TUBB8B: variants seen among roughly 807,000 people sequenced by gnomAD.
The protein encoded by TUBB8B is HSA18p11 beta-tubulin 4Q pseudogene.
A neutral mutation model predicts 31.9 loss-of-function variants in TUBB8B; 26 were observed. The ratio of observed to expected loss-of-function variants is 0.81; its 90% CI spans 0.60 to 1.13. The LOEUF (loss-of-function observed/expected upper bound fraction) is 1.13. Among genes scored for constraint, TUBB8B ranks in the 50% most tolerant of loss-of-function variants. The pLI is 0.00. For missense variants in TUBB8B, 467 were observed against 586.7 expected (o/e 0.80, Z 2.11); for synonymous variants, 173 against 231.0 (o/e 0.75, Z 2.28).
the TUBB8B span, among the ~76,000 whole-genome samples, chr18:69,552 TTGTC>T: frequency 6.6e-6 from 1 of 152,180 alleles, no homozygotes; most frequent in Non-Finnish European, 1.5e-5. Flanking sequence ...AATAAAAGCT[TTGTC>T]TGGGAAACTT....
the TUBB8B span, among the ~76,000 whole-genome samples, chr18:63,450 C>A: frequency 1.3e-5 from 2 of 151,640 alleles, no homozygotes; most frequent in African/African-American, 2.4e-5. Flanking sequence ...AGCAGTCTCT[C>A]TTTCTGTGCT....
the TUBB8B span, among the ~76,000 whole-genome samples, chr18:63,830 C>A: frequency 3.4e-5 from 5 of 147,160 alleles, no homozygotes; most frequent in Admixed American, 6.7e-5. Context: ...TAACCCTAAC[C>A]CCAACCCTTA....
Position 47,411 on chromosome 18 carries a change from A to G in TUBB8B, c.1314T>C (p.Tyr438=), listed in dbSNP as rs774102370. The stretch of plus-strand genomic sequence containing the variant: ...AGTTCTAGGCCACCTCCTCCTCGGC[A>G]TACTCCTCATCCTCCTCCTCCTCGG... ...ATAEEEEDEE[Y]AEEEVA The change falls in exon 4 of 4, where the codon TAT becomes TAC. Residue 438 remains tyrosine (Y), a synonymous_variant. Coordinates refer to ENST00000308911, the MANE Select transcript of TUBB8B (RefSeq NM_001358689.2). 1.3e-5 allele frequency: 15 copies of G among 1,153,572 alleles called. No individual in the cohort carries two copies. The South Asian group carries it at 1.7e-4, about 13-fold the overall frequency. The allele number at this position is 1,153,572 out of a possible 1,614,324, so 71.5% of individuals were successfully genotyped here.
Position 49,024 on chromosome 18 carries a change from G to C in TUBB8B, c.193C>G (p.Leu65Val). 1 of 1,608,838 alleles carries C rather than the reference G, an allele frequency of 6.2e-7. No homozygotes were observed. The highest frequency in any genetic ancestry group is 8.5e-7 in the Non-Finnish European group (1 of 1,177,642). ...ATGGTGCCCGGCTCCAGATCCACGA[G>C]CACAGCGCGGGGCACGTACCTGCCA... ...SGGRYVPRAV[L>V]VDLEPGTMDS... The change falls in exon 3 of 4, where the codon CTC becomes GTC. Residue 65 changes from leucine (L) to valine (V), a missense_variant. Transcript: ENST00000308911.
At chr18:48,634 G>A (rs1458162787) in intron 3 of TUBB8B, 187 bp from the exon 4 acceptor site, 3 of 677,932 alleles carry the variant, frequency 4.4e-6, no homozygotes, top group Non-Finnish European at 8.0e-6. Flanking sequence ...AATTAAGACA[G>A]GAGTCAAACC....
rs1905718341 is a variant in TUBB8B at position 47,802 on chromosome 18, C to A, written c.923G>T (p.Gly308Val). Residue 308 changes from glycine (G) to valine (V), a missense_variant, in exon 4 of 4, where the codon GGC (glycine) becomes GTC (valine). Coordinates refer to ENST00000308911, the MANE Select transcript of TUBB8B (RefSeq NM_001358689.2). ...AATGGCAGCCACCGTTAGGTAGCAG[C>A]CGTGACGGGGGTCACAGGCAGCCAT... ...NMMAACDPRH[G>V]CYLTVAAIFR... The A allele has an allele frequency of 6.2e-7, 1 of 1,611,768 alleles. No homozygotes were observed. The highest frequency in any genetic ancestry group is 1.3e-5 in the African/African-American group (1 of 74,884).
At chr18:51,165 T>C, upstream of TUBB8B, among the ~76,000 whole-genome samples, 1 of 151,950 alleles carries the variant, frequency 6.6e-6, no homozygotes, top group East Asian at 1.9e-4. Context: ...CCTCCTGTTT[T>C]CCTGATGCAT....
At chr18:72,176 T>C in the TUBB8B span, among the ~76,000 whole-genome samples, 1 of 13,494 alleles carries the variant, frequency 7.4e-5, no homozygotes, top group Admixed American at 1.1e-3. Flanking sequence ...AGACTCCATC[T>C]CAAAAAAAAA....
intron 1 of TUBB8B, 105 bp from the exon 2 acceptor site, chr18:49,342 C>T: frequency 1.0e-6 from 1 of 969,014 alleles, no homozygotes; most frequent in South Asian, 1.5e-5. Flanking sequence ...CGCCCTGTCC[C>T]TGGGGTCCAC....
upstream of TUBB8B, among the ~76,000 whole-genome samples, chr18:51,059 G>A (rs1906081713): frequency 1.3e-5 from 2 of 151,842 alleles, no homozygotes; most frequent in Non-Finnish European, 2.9e-5. Flanking sequence ...AACTGCAGGG[G>A]CCTAGTAAGT....
the TUBB8B span, among the ~76,000 whole-genome samples, chr18:69,150 TCA>T: frequency 1.3e-3 from 193 of 152,300 alleles, no homozygotes; most frequent in African/African-American, 4.4e-3. Context: ...AAACAAAATC[TCA>T]GTGTTGAACA....
chr18:52,883 A>G, upstream of TUBB8B, among the ~76,000 whole-genome samples: 1 of 149,830 alleles, frequency 6.7e-6, no homozygotes, highest in South Asian at 2.1e-4. Context: ...AACTATAAAG[A>G]GAAAGAGTTA....
At chr18:51,336 A>G (rs890016581), upstream of TUBB8B, among the ~76,000 whole-genome samples, 6 of 151,762 alleles carry the variant, frequency 4.0e-5, no homozygotes, top group African/African-American at 1.5e-4. Flanking sequence ...TATAATTCCT[A>G]TATATCGTGG....
chr18:58,401 T>C, the TUBB8B span, among the ~76,000 whole-genome samples: 28,137 of 151,300 alleles, frequency 0.19, 3,308 homozygotes, highest in African/African-American at 0.29. Context: ...AGTGCTTAGA[T>C]ATTTTTTCAA....
chr18:63,713 C>CCCT, the TUBB8B span, among the ~76,000 whole-genome samples: 853 of 97,406 alleles, frequency 8.8e-3, 8 homozygotes, highest in African/African-American at 0.033. Context: ...CTAACCCTAA[C>CCCT]ACTAACCCTA....
chr18:72,177 CAAAA>C, the TUBB8B span, among the ~76,000 whole-genome samples: 4,265 of 78,824 alleles, frequency 0.054, 199 homozygotes, highest in Non-Finnish European at 0.09. Context: ...GACTCCATCT[CAAAA>C]AAAAAAAAAA....
At chr18:72,356 AG>A in the TUBB8B span, among the ~76,000 whole-genome samples, 25 of 152,170 alleles carry the variant, frequency 1.6e-4, 1 homozygote, top group Non-Finnish European at 1.9e-4. Context: ...ATCATGTCAA[AG>A]CTTGATATAG....
chr18:63,345 G>T, the TUBB8B span, among the ~76,000 whole-genome samples: 3 of 151,748 alleles, frequency 2.0e-5, no homozygotes, highest in Non-Finnish European at 4.4e-5. Context: ...ACATGTAGAG[G>T]TACTGCTGTG....
the TUBB8B span, among the ~76,000 whole-genome samples, chr18:58,074 G>A: frequency 1.3e-5 from 2 of 151,540 alleles, no homozygotes; most frequent in African/African-American, 4.8e-5. Context: ...AGGCCTCAGG[G>A]TCTGTGATGG....
Sources: allele counts gnomAD v4.1 joint callset (sites outside exome capture counted in the v4.1 genomes callset), GRCh38; gene constraint gnomAD v4.1.1; transcripts MANE v1.5; gene names NCBI Gene and HGNC (gene_info 2026-07-23, HGNC 2026-07-21).